The following XYLT1 variants were observed in gnomAD, a reference collection of about 807,000 sequenced individuals.
XYLT1 encodes the protein beta-D-xylosyltransferase 1.
A neutral mutation model predicts 91.3 loss-of-function variants in XYLT1; 36 were observed. That is an observed-to-expected ratio of 0.39 (90% CI 0.30 to 0.52). The LOEUF is 0.52. Among genes scored for constraint, XYLT1 ranks in the 20% least tolerant of loss-of-function variants. The pLI is 0.68. For missense variants in XYLT1, 1,242 were observed against 1,284.5 expected, an observed-to-expected ratio of 0.97 and a Z score of 0.51; for synonymous variants, 588 against 532.0, an observed-to-expected ratio of 1.11 and a Z score of -1.45.
chr16:17,447,084 A>G (rs1269841769), intron 1 of XYLT1, among the ~76,000 whole-genome samples: 1 of 150,310 alleles, frequency 6.7e-6, no homozygotes, highest in Admixed American at 6.8e-5. Context: ...GCAATCAATT[A>G]TTCACGACCT....
At chr16:17,138,053 T>C (rs2030814698) in intron 8 of XYLT1, among the ~76,000 whole-genome samples, 1 of 147,982 alleles carries the variant, frequency 6.8e-6, no homozygotes, top group African/African-American at 2.5e-5. Context: ...GATATGAGTA[T>C]GGCCTTTGGA....
intron 6 of XYLT1, among the ~76,000 whole-genome samples, chr16:17,141,991 A>G (rs2030991723): frequency 6.6e-6 from 1 of 151,904 alleles, no homozygotes; most frequent in Admixed American, 6.6e-5. Context: ...GCAGCCTCAA[A>G]CTCCTGGGCT....
chr16:17,391,229 C>T (rs966587828), intron 1 of XYLT1, among the ~76,000 whole-genome samples: 2 of 152,032 alleles, frequency 1.3e-5, no homozygotes, highest in African/African-American at 4.8e-5. Context: ...TTTTATTTAA[C>T]ACTTGATATG....
chr16:17,409,012 AT>A (rs1247874563), intron 1 of XYLT1, among the ~76,000 whole-genome samples: 1 of 152,152 alleles, frequency 6.6e-6, no homozygotes, highest in Non-Finnish European at 1.5e-5. Flanking sequence ...GGTCCAAACA[AT>A]GTGCCCATAA....
At chr16:17,324,091 T>C (rs59980578) in intron 2 of XYLT1, among the ~76,000 whole-genome samples, 1 of 152,204 alleles carries the variant, frequency 6.6e-6, no homozygotes, top group East Asian at 1.9e-4. Context: ...CATGCACACA[T>C]GCTTCCCAAC....
At chr16:17,224,740 G>A (rs1322389518) in intron 3 of XYLT1, among the ~76,000 whole-genome samples, 1 of 152,174 alleles carries the variant, frequency 6.6e-6, no homozygotes, top group East Asian at 1.9e-4. Flanking sequence ...ATGAGAATGT[G>A]ACACTTATCA....
intron 2 of XYLT1, among the ~76,000 whole-genome samples, chr16:17,280,656 A>C (rs7186270): frequency 1 from 152,326 of 152,326 alleles, 76,163 homozygotes; most frequent in Non-Finnish European, 1. Flanking sequence ...AACCCAGAGG[A>C]CACTTCTATC....
intron 2 of XYLT1, among the ~76,000 whole-genome samples, chr16:17,322,997 T>C (rs558059254): frequency 4.6e-5 from 7 of 152,192 alleles, no homozygotes; most frequent in Non-Finnish European, 1.0e-4. Flanking sequence ...GCCAATCCGG[T>C]CCATTTCCTC....
At chr16:17,134,866 C>A in intron 8 of XYLT1, 131 bp from the exon 9 acceptor site, 1 of 1,070,810 alleles carries the variant, frequency 9.3e-7, no homozygotes, top group Non-Finnish European at 1.4e-6. Flanking sequence ...ACTTTTTGCA[C>A]CTCTGTGTTC....
At chr16:17,251,823 T>C (rs544300633) in intron 3 of XYLT1, among the ~76,000 whole-genome samples, 11 of 152,268 alleles carry the variant, frequency 7.2e-5, no homozygotes, top group African/African-American at 2.6e-4. Flanking sequence ...CAACCAGGGC[T>C]TCTGGGGAAG....
At chr16:17,306,577 T>TATATATATATATATATA in intron 2 of XYLT1, among the ~76,000 whole-genome samples, 1 of 151,540 alleles carries the variant, frequency 6.6e-6, no homozygotes, top group Non-Finnish European at 1.5e-5. Flanking sequence ...TATATATATA[T>TATATATATATATATATA]TCCCTCTAAG....
chr16:17,208,863 T>C (rs1458423922), intron 3 of XYLT1, among the ~76,000 whole-genome samples: 1 of 152,180 alleles, frequency 6.6e-6, no homozygotes, highest in Non-Finnish European at 1.5e-5. Context: ...GAGCTGAGAC[T>C]ACAGGTGCCC....
intron 2 of XYLT1, 106 bp downstream of exon 2, chr16:17,357,906 G>C: frequency 8.1e-7 from 1 of 1,230,958 alleles, no homozygotes; most frequent in Non-Finnish European, 1.2e-6. Context: ...AATGGGACCA[G>C]GGGCAGCCAT....
At chr16:17,376,827 CAAAA>C (rs10684824) in intron 1 of XYLT1, among the ~76,000 whole-genome samples, 16 of 55,668 alleles carry the variant, frequency 2.9e-4, no homozygotes, top group African/African-American at 1.3e-3. Context: ...AACTCTGTCT[CAAAA>C]AAAAAAAAAA....
chr16:17,332,393 C>G (rs773594729), intron 2 of XYLT1, among the ~76,000 whole-genome samples: 1 of 152,134 alleles, frequency 6.6e-6, no homozygotes, highest in Non-Finnish European at 1.5e-5. Context: ...GAAACCCTGA[C>G]TCTACTAAAA....
chr16:17,233,355 G>A (rs1047207014), intron 3 of XYLT1, among the ~76,000 whole-genome samples: 1 of 152,228 alleles, frequency 6.6e-6, no homozygotes, highest in Non-Finnish European at 1.5e-5. Context: ...TGCCAGTGCT[G>A]AGCAAAGCAA....
intron 3 of XYLT1, among the ~76,000 whole-genome samples, chr16:17,229,234 GC>G (rs1429140413): frequency 6.6e-6 from 1 of 152,200 alleles, no homozygotes; most frequent in Non-Finnish European, 1.5e-5. Flanking sequence ...GAACTGACGT[GC>G]AAAAAATGTG....
chr16:17,163,309 T>C (rs1305027967), intron 5 of XYLT1, among the ~76,000 whole-genome samples: 3 of 152,082 alleles, frequency 2.0e-5, no homozygotes, highest in African/African-American at 7.2e-5. Flanking sequence ...GCTCTGGACA[T>C]GAAGATATGA....
At chr16:17,170,976 C>T (rs1597166932) in intron 5 of XYLT1, among the ~76,000 whole-genome samples, 1 of 152,072 alleles carries the variant, frequency 6.6e-6, no homozygotes, top group Non-Finnish European at 1.5e-5. Context: ...AGGATAATAA[C>T]ACTATTTACC....
Sources: allele counts gnomAD v4.1 joint callset (sites outside exome capture counted in the v4.1 genomes callset), GRCh38; gene constraint gnomAD v4.1.1; transcripts MANE v1.5; gene names NCBI Gene and HGNC (gene_info 2026-07-23, HGNC 2026-07-21).